Variants in SFI1 observed in about 807,000 individuals in gnomAD.
SFI1 encodes the protein SFI1 centrin binding protein.
A neutral mutation model predicts 207.5 loss-of-function variants in SFI1; 195 were observed. The observed-to-expected ratio is 0.94, with a 90% confidence interval of 0.84 to 1.06. SFI1 has a LOEUF of 1.06. Ranked by LOEUF, SFI1 falls within the 50% of genes least tolerant of loss-of-function variation. The probability of loss-of-function intolerance (pLI) is 0.00; values close to 1 mark genes in which losing one functional copy is unlikely to be tolerated. For synonymous variants in SFI1, 630 were observed against 598.9 expected, an observed-to-expected ratio of 1.05 and a Z score of -0.76; for missense variants, 1,634 against 1,588.0, an observed-to-expected ratio of 1.03 and a Z score of -0.49.
Position 31,573,039 on chromosome 22 carries a change from C to T in SFI1, c.766-19C>T, listed in dbSNP as rs773904299. 10 of 1,611,488 alleles carry T rather than the reference C, an allele frequency of 6.2e-6. No homozygotes were observed. The highest frequency in any genetic ancestry group is 8.5e-6 in the Non-Finnish European group (10 of 1,178,422). On this transcript the variant is annotated intron_variant, in intron 8 of 32. Transcript: ENST00000400288. ...TTTCCTGCCTCTCCTTTGACTGTTG[C>T]CTCTTCTCTGGTTTTCAGGCTTGGT... is the stretch of plus-strand genomic sequence containing the variant.
intron 2 of SFI1, among the ~76,000 whole-genome samples, chr22:31,514,164 T>A (rs192369206): frequency 0.038 from 3,455 of 91,506 alleles, 143 homozygotes; most frequent in East Asian, 0.1. Context: ...AAAAAAAAAA[T>A]GTAGTACTGA....
intron 8 of SFI1, among the ~76,000 whole-genome samples, chr22:31,565,045 G>C (rs1410668966): frequency 3.4e-5 from 5 of 145,456 alleles, no homozygotes; most frequent in Non-Finnish European, 7.5e-5. Flanking sequence ...GGATGGTCTC[G>C]ATCTCCTGAC....
chr22:31,606,331 G>T lies in SFI1; in HGVS notation c.2058G>T (p.Gly686=). Residue 686 remains glycine (G), a synonymous_variant, in exon 21 of 33, where the codon GGG becomes GGT. Coordinates refer to ENST00000400288, the MANE Select transcript of SFI1 (RefSeq NM_001007467.3). The stretch of plus-strand genomic sequence containing the variant: ...CCTCGCACCCATGCATCTGCAGCGG[G>T]GCATTACGTCGCTGGAAAGAGAACA... ...ESQHNRQLLR[G]ALRRWKENTM... is the part of the protein sequence containing the mutation. 1 of 1,613,748 alleles carries T rather than the reference G, an allele frequency of 6.2e-7. No individual in the cohort carries two copies.
chr22:31,591,718 GTGGC>G (rs2065969820), intron 15 of SFI1, among the ~76,000 whole-genome samples: 3 of 56,468 alleles, frequency 5.3e-5, no homozygotes, highest in South Asian at 1.7e-3. Flanking sequence ...CCCAGTAGGG[GTGGC>G]CGGGCAGAGG....
At chr22:31,536,774 C>T (rs1379217767) in intron 4 of SFI1, among the ~76,000 whole-genome samples, 2 of 152,110 alleles carry the variant, frequency 1.3e-5, no homozygotes, top group African/African-American at 4.8e-5. Flanking sequence ...GACTGGGAAC[C>T]TCTTTTCAAA....
At chr22:31,506,602 T>G (rs2054680135) in intron 1 of SFI1, among the ~76,000 whole-genome samples, 1 of 152,102 alleles carries the variant, frequency 6.6e-6, no homozygotes, top group Non-Finnish European at 1.5e-5. Context: ...ATTCTGTATC[T>G]AGAAAACCCC....
At chr22:31,535,791 C>T (rs1326380998) in intron 4 of SFI1, among the ~76,000 whole-genome samples, 19 of 152,096 alleles carry the variant, frequency 1.2e-4, no homozygotes, top group Admixed American at 1.2e-3. Flanking sequence ...TATTGCCCTG[C>T]AGTGGTGTGA....
intron 31 of SFI1, among the ~76,000 whole-genome samples, chr22:31,617,473 C>T (rs7287516): frequency 0.055 from 8,384 of 152,212 alleles, 210 homozygotes; most frequent in Non-Finnish European, 0.065. Context: ...GTCATCCCAG[C>T]ACTTTGAGAG....
chr22:31,506,911 TATC>T (rs1186622288), intron 1 of SFI1, among the ~76,000 whole-genome samples: 3 of 152,144 alleles, frequency 2.0e-5, no homozygotes, highest in Non-Finnish European at 4.4e-5. Context: ...GAAAAATCAA[TATC>T]ATGAAAATGG....
In SFI1 at chr22:31,560,543, A is replaced by AG. The variant is rs1166179037; in HGVS notation, c.663-745dup. Among the ~76,000 whole-genome samples the AG allele has an allele frequency of 3.3e-5, 5 of 151,332 alleles. No individual in the cohort carries two copies. In the Admixed American group the frequency reaches 3.3e-4, roughly 10 times the overall value. ...CAGCCTCCCAAGTAGCAGGGATTAC[A>AG]GGCACACACCACCATGTCCAGCTAA... On this transcript the variant is annotated intron_variant, in intron 7 of 32. Transcript: ENST00000400288.
At chr22:31,576,629 A>G (rs890524925) in intron 10 of SFI1, among the ~76,000 whole-genome samples, 1 of 151,396 alleles carries the variant, frequency 6.6e-6, no homozygotes, top group East Asian at 1.9e-4. Flanking sequence ...CTCTATGTAT[A>G]AACTCTTTTT....
chr22:31,553,838 GTT>G (rs58333559), intron 6 of SFI1, among the ~76,000 whole-genome samples: 7 of 26,306 alleles, frequency 2.7e-4, no homozygotes, highest in Non-Finnish European at 4.4e-4. Context: ...AATGGATTAT[GTT>G]TTTTTTTTTT....
chr22:31,548,480 CA>C (rs879606766), intron 5 of SFI1, among the ~76,000 whole-genome samples: 295 of 134,014 alleles, frequency 2.2e-3, no homozygotes, highest in Admixed American at 2.5e-3. Context: ...AACTAAAATA[CA>C]AAAAAAAAAA....
intron 5 of SFI1, among the ~76,000 whole-genome samples, chr22:31,549,201 T>C (rs892308294): frequency 2.1e-5 from 3 of 141,988 alleles, no homozygotes; most frequent in African/African-American, 8.0e-5. Context: ...GTGGGAGGAG[T>C]ACCTGAGCCC....
chr22:31,496,745 C>G (rs992882021), intron 1 of SFI1, 108 bp downstream of exon 1: 1 of 152,266 alleles, frequency 6.6e-6, no homozygotes, highest in South Asian at 2.1e-4. Flanking sequence ...TGAAATCTGT[C>G]CGAGCCTCCG....
At chr22:31,579,043 T>A (rs2063806153) in intron 11 of SFI1, among the ~76,000 whole-genome samples, 1 of 152,196 alleles carries the variant, frequency 6.6e-6, no homozygotes, top group Non-Finnish European at 1.5e-5. Flanking sequence ...CAGGCTAGAT[T>A]CAAACTTCTG....
chr22:31,531,354 G>A (rs1162717273), intron 4 of SFI1, among the ~76,000 whole-genome samples: 1 of 152,126 alleles, frequency 6.6e-6, no homozygotes, highest in Non-Finnish European at 1.5e-5. Flanking sequence ...TATCTACAAA[G>A]TAGCCAGTAA....
At chr22:31,547,788 C>T (rs545757932) in intron 5 of SFI1, among the ~76,000 whole-genome samples, 293 of 148,158 alleles carry the variant, frequency 2.0e-3, no homozygotes, top group Non-Finnish European at 3.2e-3. Flanking sequence ...CCTGTAATGG[C>T]GTGTAATGAT....
At chr22:31,502,433 G>A (rs1005042374) in intron 1 of SFI1, among the ~76,000 whole-genome samples, 1 of 151,284 alleles carries the variant, frequency 6.6e-6, no homozygotes. Context: ...GGAGTGTAAT[G>A]GCGTGATCTC....
Sources: allele counts gnomAD v4.1 joint callset (sites outside exome capture counted in the v4.1 genomes callset), GRCh38; gene constraint gnomAD v4.1.1; transcripts MANE v1.5; gene names NCBI Gene and HGNC (gene_info 2026-07-23, HGNC 2026-07-21).